Variants in ATG10 observed in about 807,000 individuals in gnomAD.
ATG10 encodes the protein autophagy related 10, also known as ubiquitin-like-conjugating enzyme ATG10.
In ATG10, 30 loss-of-function variants were observed where a neutral mutation model predicts 32.1. The observed-to-expected ratio is 0.94, with a 90% CI of 0.70 to 1.27. The LOEUF (loss-of-function observed/expected upper bound fraction) is 1.27, where lower values mean the gene tolerates loss of function less well. Ranked by LOEUF, ATG10 falls within the 50% of genes most tolerant of loss-of-function variation. The probability of loss-of-function intolerance (pLI) is 0.00; values close to 1 mark genes in which losing one functional copy is unlikely to be tolerated. For missense variants in ATG10, 233 were observed against 262.3 expected, an observed-to-expected ratio of 0.89 and a Z score of 0.77; for synonymous variants, 87 against 91.5, an observed-to-expected ratio of 0.95 and a Z score of 0.28.
chr5:82,205,819 C>G (rs1745267046), intron 5 of ATG10, among the ~76,000 whole-genome samples: 1 of 152,100 alleles, frequency 6.6e-6, no homozygotes, highest in South Asian at 2.1e-4. Flanking sequence ...AACTTTGATG[C>G]ATGTACAAAA....
chr5:82,187,615 G>A (rs186774532), intron 5 of ATG10, among the ~76,000 whole-genome samples: 63 of 150,356 alleles, frequency 4.2e-4, no homozygotes, highest in Non-Finnish European at 3.7e-4. Context: ...TTTCGCTCTT[G>A]TTGCCCAGGC....
chr5:82,122,654 A>G (rs1766089415), intron 3 of ATG10, among the ~76,000 whole-genome samples: 1 of 152,254 alleles, frequency 6.6e-6, no homozygotes, highest in Admixed American at 6.5e-5. Context: ...AGGACCTTAA[A>G]CAAATTTACA....
At chr5:82,204,182 T>A (rs927561194) in intron 5 of ATG10, among the ~76,000 whole-genome samples, 2 of 152,226 alleles carry the variant, frequency 1.3e-5, no homozygotes, top group Non-Finnish European at 2.9e-5. Flanking sequence ...ATTTTTTGTA[T>A]GTTTTATTTG....
At chr5:82,081,091 T>A (rs2149781638) in intron 3 of ATG10, among the ~76,000 whole-genome samples, 1 of 152,306 alleles carries the variant, frequency 6.6e-6, no homozygotes, top group East Asian at 1.9e-4. Context: ...CCTTGTAAGT[T>A]GGATTCCTAG....
At chr5:82,229,248 G>GCTGTTACAGTACTGGAGGAGCA (rs1746252788) in intron 5 of ATG10, among the ~76,000 whole-genome samples, 1 of 152,198 alleles carries the variant, frequency 6.6e-6, no homozygotes, top group African/African-American at 2.4e-5. Flanking sequence ...GGAGATGGCA[G>GCTGTTACAGTACTGGAGGAGCA]CTGTTACAGT....
chr5:82,106,860 A>C (rs1765458106), intron 3 of ATG10, among the ~76,000 whole-genome samples: 1 of 151,996 alleles, frequency 6.6e-6, no homozygotes, highest in South Asian at 2.1e-4. Context: ...AGAAGTAATA[A>C]GGGGCAATTT....
At chr5:82,026,157 G>T (rs952191556) in intron 2 of ATG10, among the ~76,000 whole-genome samples, 1 of 151,906 alleles carries the variant, frequency 6.6e-6, no homozygotes, top group Admixed American at 6.6e-5. Flanking sequence ...ATTTCCTCCA[G>T]CCCCTGGCAA....
In ATG10 at chr5:82,097,519, T is replaced by C. The variant is rs1374267493; in HGVS notation, c.216+38917T>C. Among the ~76,000 whole-genome samples the C allele has an allele frequency of 2.6e-5, 4 of 152,288 alleles. 1 individual carries two copies. The East Asian group carries it at 7.7e-4, about 29-fold the overall frequency. On this transcript the variant is annotated intron_variant, in intron 3 of 7. Coordinates refer to ENST00000282185, the MANE Select transcript of ATG10 (RefSeq NM_031482.5). ...AACCTCCGCAAAAAGATAGCCATGT[T>C]TAAAAACGAAACCCAAACTAGAAAC...
intron 2 of ATG10, chr5:82,009,705 C>G (rs923530695): frequency 6.3e-7 from 1 of 1,588,054 alleles, no homozygotes; most frequent in African/African-American, 1.3e-5. Context: ...TTTCACTTTG[C>G]CACAGATCAC....
chr5:82,128,235 T>G (rs546726181), intron 3 of ATG10, among the ~76,000 whole-genome samples: 542 of 50,086 alleles, frequency 0.011, 3 homozygotes, highest in African/African-American at 0.034. Flanking sequence ...GTCTTGACTC[T>G]TTATCCAATA....
intron 5 of ATG10, among the ~76,000 whole-genome samples, chr5:82,220,351 C>G (rs2149991687): frequency 6.6e-6 from 1 of 152,030 alleles, no homozygotes; most frequent in South Asian, 2.1e-4. Context: ...CCAGCTCTGC[C>G]TCCCGGGTTC....
intron 5 of ATG10, among the ~76,000 whole-genome samples, chr5:82,182,931 A>G (rs1744290460): frequency 6.6e-6 from 1 of 152,048 alleles, no homozygotes; most frequent in South Asian, 2.1e-4. Flanking sequence ...TAAAGTAGAG[A>G]TGGGGGTCTT....
At chr5:82,045,966 CT>C (rs1763224361) in intron 2 of ATG10, among the ~76,000 whole-genome samples, 1 of 152,108 alleles carries the variant, frequency 6.6e-6, no homozygotes, top group Non-Finnish European at 1.5e-5. Context: ...ACCGTGCAGC[CT>C]TCTCTCAAAG....
chr5:82,200,747 C>T (rs987049462), intron 5 of ATG10, among the ~76,000 whole-genome samples: 5 of 150,882 alleles, frequency 3.3e-5, no homozygotes, highest in South Asian at 2.1e-4. Context: ...AGTCCTTTGG[C>T]GGATATGTTA....
Position 82,022,049 on chromosome 5 carries a change from C to T in ATG10, c.108+34371C>T, listed in dbSNP as rs369562673. On this transcript the variant is annotated intron_variant, in intron 2 of 7. Transcript: ENST00000282185. ...AAAAAAAAAAAAAAAATTAGCTGGG[C>T]GTGGTGGCGCATGCCTGTAATCCCA... 6.1e-5 allele frequency among the ~76,000 whole-genome samples: 9 copies of T among 147,892 alleles called. No individual in the cohort carries two copies. The South Asian group carries it at 1.5e-3, about 25-fold the overall frequency.
intron 2 of ATG10, 37 bp from the exon 3 acceptor site, chr5:82,058,458 G>T: frequency 7.2e-7 from 1 of 1,395,232 alleles, no homozygotes; most frequent in Non-Finnish European, 1.0e-6. Context: ...TAAAATAATT[G>T]GCATTTTCTT....
At chr5:82,127,205 T>C (rs920535824) in intron 3 of ATG10, among the ~76,000 whole-genome samples, 2 of 152,132 alleles carry the variant, frequency 1.3e-5, no homozygotes, top group African/African-American at 4.8e-5. Context: ...GCAGTCCATC[T>C]ATTTTGTTAA....
intron 3 of ATG10, among the ~76,000 whole-genome samples, chr5:82,153,406 C>T (rs1256020658): frequency 6.6e-6 from 1 of 152,052 alleles, no homozygotes; most frequent in Non-Finnish European, 1.5e-5. Flanking sequence ...TTGCTGGGGG[C>T]AACAGAAAGT....
rs1761322355 is a variant in ATG10 at position 81,987,560 on chromosome 5, TATC to T, written c.-8_-6del. The T allele has an allele frequency of 1.9e-6, 3 of 1,570,922 alleles. No individual in the cohort carries two copies. The highest frequency in any genetic ancestry group is 1.7e-5 in the Admixed American group (1 of 57,336). On this transcript the variant is annotated splice_region_variant and 5_prime_UTR_variant, in exon 2 of 8. Transcript: ENST00000282185. ...TAATACTTAGTTTTTGTATTGCAGTTATCATTTAACATGGAAGAAGATGAGTTC... is the reference window on the plus strand; with the variant it reads ...TAATACTTAGTTTTTGTATTGCAGTTATTTAACATGGAAGAAGATGAGTTC...
Sources: allele counts gnomAD v4.1 joint callset (sites outside exome capture counted in the v4.1 genomes callset), GRCh38; gene constraint gnomAD v4.1.1; transcripts MANE v1.5; gene names NCBI Gene and HGNC (gene_info 2026-07-23, HGNC 2026-07-21).